CHRNB4: variants seen among roughly 807,000 people sequenced by gnomAD.
CHRNB4 encodes the protein cholinergic receptor nicotinic beta 4 subunit.
A neutral mutation model predicts 40.4 loss-of-function variants in CHRNB4; 23 were observed. The ratio of observed to expected loss-of-function variants is 0.57; its 90% CI spans 0.41 to 0.81. The LOEUF is 0.81. Among genes scored for constraint, CHRNB4 ranks in the 30% least tolerant of loss-of-function variants. The pLI is 0.00. For missense variants in CHRNB4, 568 were observed against 670.6 expected (o/e 0.85, Z 1.69); for synonymous variants, 285 against 274.4 (o/e 1.04, Z -0.38).
intron 7 of CHRNB4, among the ~76,000 whole-genome samples, chr15:78,647,518 C>G (rs1239715295): frequency 6.6e-6 from 1 of 151,690 alleles, no homozygotes; most frequent in Non-Finnish European, 1.5e-5. Context: ...ACTAGCATTC[C>G]TATACATCAA....
chr15:78,632,169 T>TTCTCTC, intron 2 of CHRNB4, among the ~76,000 whole-genome samples: 3 of 56,896 alleles, frequency 5.3e-5, no homozygotes, highest in African/African-American at 1.4e-4. Flanking sequence ...TTTCTTTTCT[T>TTCTCTC]TCTCTTTCTT....
In CHRNB4 at chr15:78,631,281, CACTT is replaced by C; in HGVS notation, c.249+3_249+6del. ...CTCTGGGGCTCAGGGCCCTTCAGGG[CACTT>C]ACCTGTTTCAGCCAGACATTGGTGG... On this transcript the variant is annotated splice_donor_5th_base_variant and intron_variant, in intron 3 of 5. Transcript: ENST00000261751. The C allele has an allele frequency of 6.2e-7, 1 of 1,614,140 alleles. No individual in the cohort carries two copies. Among genetic ancestry groups the C allele is most frequent in the Non-Finnish European group, 8.5e-7 (1 of 1,179,978 alleles).
At chr15:78,660,699 A>C (rs1245437909), upstream of CHRNB4, 6 of 193,090 alleles carry the variant, frequency 3.1e-5, no homozygotes, top group Non-Finnish European at 6.4e-5. Context: ...TGCAGGAAAT[A>C]GGCTGGTTTC....
At chr15:78,637,360 A>G (rs1303397680) in intron 1 of CHRNB4, among the ~76,000 whole-genome samples, 1 of 152,210 alleles carries the variant, frequency 6.6e-6, no homozygotes, top group African/African-American at 2.4e-5. Flanking sequence ...CAGCTTGGAA[A>G]AAGGGAGACT....
At chr15:78,655,147 T>C (rs1415608351) in intron 5 of CHRNB4, among the ~76,000 whole-genome samples, 1 of 152,176 alleles carries the variant, frequency 6.6e-6, no homozygotes, top group African/African-American at 2.4e-5. Context: ...GCTGATCTGC[T>C]TTCTGTCTCT....
chr15:78,640,804 C>T (rs1035520651), intron 1 of CHRNB4, among the ~76,000 whole-genome samples: 1 of 152,244 alleles, frequency 6.6e-6, no homozygotes, highest in African/African-American at 2.4e-5. Flanking sequence ...CACTGCCCAG[C>T]CCACAGACAC....
At chr15:78,650,140 T>G (rs1007453622) in intron 6 of CHRNB4, among the ~76,000 whole-genome samples, 1 of 152,170 alleles carries the variant, frequency 6.6e-6, no homozygotes, top group African/African-American at 2.4e-5. Flanking sequence ...GGCTGAGCAA[T>G]TGTCCATAGG....
In CHRNB4 at chr15:78,629,737, C is replaced by A. The variant is rs1296005734; in HGVS notation, c.568G>T (p.Ala190Ser). 3 of 1,614,028 alleles carry A rather than the reference C, an allele frequency of 1.9e-6. No individual in the cohort carries two copies. The highest frequency in any genetic ancestry group is 2.5e-6 in the Non-Finnish European group (3 of 1,179,958). The change falls in exon 5 of 6, where the codon GCC becomes TCC. Residue 190 changes from alanine (A) to serine (S), a missense_variant. Physicochemically the swap from Ala to Ser is moderately conservative, Grantham distance 99 (BLOSUM62 1). This residue lies in a region of CHRNB4 where 127 missense variants were observed against 167.4 expected (regional missense o/e 0.76). Coordinates refer to ENST00000261751, the MANE Select transcript of CHRNB4 (RefSeq NM_000750.5). This position sits in a 1 kb window ranked among gnomAD's most constrained non-coding sequence, Gnocchi z 6.8. ...EIDMVLMTPT[A>S]SMDDFTPSGE... Reference sequence around the variant, plus strand: ...CTGGGAGTAAAGTCATCCATGCTGGCTGTGGGCGTCATGAGGACCATGTCT... The same window carrying A: ...CTGGGAGTAAAGTCATCCATGCTGGATGTGGGCGTCATGAGGACCATGTCT...
chr15:78,630,215 T>C (rs1217947712), intron 4 of CHRNB4, among the ~76,000 whole-genome samples: 1 of 151,334 alleles, frequency 6.6e-6, no homozygotes, highest in African/African-American at 2.4e-5. Context: ...CTCGGCTCAC[T>C]GCAACCTCTG....
intron 1 of CHRNB4, 131 bp downstream of exon 1, chr15:78,640,948 C>G: frequency 9.4e-7 from 1 of 1,062,588 alleles, no homozygotes; most frequent in Non-Finnish European, 1.3e-6. Context: ...CCCACGCCCC[C>G]ATCTGGCCGG....
intron 2 of CHRNB4, among the ~76,000 whole-genome samples, chr15:78,633,535 C>T (rs2053879854): frequency 6.6e-6 from 1 of 152,168 alleles, no homozygotes; most frequent in Non-Finnish European, 1.5e-5. Context: ...CAATTTGTCT[C>T]ATTTTGATTA....
chr15:78,634,117 C>A (rs1215851769), intron 2 of CHRNB4, among the ~76,000 whole-genome samples: 1 of 152,186 alleles, frequency 6.6e-6, no homozygotes, highest in Non-Finnish European at 1.5e-5. Context: ...CAAACCCTGG[C>A]AACCCACAAC....
At chr15:78,640,358 G>A (rs1232471149) in intron 1 of CHRNB4, among the ~76,000 whole-genome samples, 1 of 152,218 alleles carries the variant, frequency 6.6e-6, no homozygotes, top group Non-Finnish European at 1.5e-5. Flanking sequence ...GAAGGGCTGG[G>A]TCTCCTTCCT....
intron 7 of CHRNB4, among the ~76,000 whole-genome samples, chr15:78,647,955 G>A (rs554146688): frequency 6.6e-6 from 1 of 151,082 alleles, no homozygotes; most frequent in African/African-American, 2.4e-5. Context: ...GGCCTTTCAT[G>A]AAGAGTATTG....
At chr15:78,640,185 A>T (rs749973307) in intron 1 of CHRNB4, among the ~76,000 whole-genome samples, 5 of 152,124 alleles carry the variant, frequency 3.3e-5, no homozygotes, top group Non-Finnish European at 7.4e-5. Flanking sequence ...TGCCTCCCCT[A>T]TGGTGGGTCT....
intron 1 of CHRNB4, among the ~76,000 whole-genome samples, chr15:78,637,115 G>A (rs2053968605): frequency 6.6e-6 from 1 of 152,216 alleles, no homozygotes; most frequent in Admixed American, 6.5e-5. Flanking sequence ...TTCGAGGAGA[G>A]GTCTTAGCTC....
chr15:78,628,889 T>G (rs1033565963), intron 5 of CHRNB4, 78 bp downstream of exon 5: 20 of 1,510,638 alleles, frequency 1.3e-5, no homozygotes, highest in Non-Finnish European at 1.8e-5. Context: ...ATGAATTAAC[T>G]GCAGGAAGTG....
At chr15:78,652,127 G>T (rs1188033519) in intron 6 of CHRNB4, among the ~76,000 whole-genome samples, 2 of 152,226 alleles carry the variant, frequency 1.3e-5, no homozygotes, top group Non-Finnish European at 2.9e-5. Flanking sequence ...TCCTTCACTT[G>T]TAACTTGCCC....
At chr15:78,647,593 T>C (rs1316043462) in intron 7 of CHRNB4, among the ~76,000 whole-genome samples, 1 of 149,316 alleles carries the variant, frequency 6.7e-6, no homozygotes, top group African/African-American at 2.5e-5. Flanking sequence ...ACGCCTGTAA[T>C]CCCAGCACTT....
Sources: allele counts gnomAD v4.1 joint callset (sites outside exome capture counted in the v4.1 genomes callset), GRCh38; gene constraint gnomAD v4.1.1; regional missense constraint gnomAD v4.1.1; non-coding constraint Gnocchi (gnomAD v3.1); transcripts MANE v1.5; gene names NCBI Gene and HGNC (gene_info 2026-07-23, HGNC 2026-07-21).